DAB1: variants seen among roughly 807,000 people sequenced by gnomAD.
DAB1 encodes DAB adaptor protein 1.
A neutral mutation model predicts 64.6 loss-of-function variants in DAB1; 15 were observed. That is an observed-to-expected ratio of 0.23 (90% CI 0.16 to 0.36). The LOEUF is 0.36. Ranked by LOEUF, DAB1 falls within the 10% of genes least tolerant of loss-of-function variation. The pLI, the probability that DAB1 is intolerant of heterozygous loss-of-function variation, is 1.00. For missense variants in DAB1, 596 were observed against 706.7 expected, an observed-to-expected ratio of 0.84 and a Z score of 1.78; for synonymous variants, 235 against 251.9, an observed-to-expected ratio of 0.93 and a Z score of 0.64.
Position 58,363,883 on chromosome 1 carries a change from G to A in DAB1, n.258-20480C>T, listed in dbSNP as rs549050312. Among the ~76,000 whole-genome samples, 10 of 152,296 alleles carry A rather than the reference G, an allele frequency of 6.6e-5. No homozygotes were observed. The South Asian group carries it at 1.4e-3, about 22-fold the overall frequency. On this transcript the variant is annotated intron_variant and non_coding_transcript_variant, in intron 3 of 20. Transcript: ENST00000485760. ...GAGCCCTTATCTCCCTTCTAGCCCC[G>A]GAAAGACCCTGGGGCTTTCCATAGA...
intron 1 of DAB1, among the ~76,000 whole-genome samples, chr1:58,540,474 T>C (rs1398923478): frequency 1.3e-5 from 2 of 151,878 alleles, no homozygotes; most frequent in East Asian, 1.9e-4. Flanking sequence ...ATATTAGTTA[T>C]TGTAACTATA....
At chr1:57,395,157 C>T (rs1570441324) in intron 1 of DAB1, among the ~76,000 whole-genome samples, 1 of 152,014 alleles carries the variant, frequency 6.6e-6, no homozygotes, top group Non-Finnish European at 1.5e-5. Context: ...CTTGAGTAGC[C>T]GGGATTACAG....
intron 7 of DAB1, among the ~76,000 whole-genome samples, chr1:57,570,339 G>A (rs1239879049): frequency 6.6e-6 from 1 of 151,996 alleles, no homozygotes; most frequent in Non-Finnish European, 1.5e-5. Context: ...TTCTCACTGG[G>A]CAGACAACCT....
chr1:57,922,845 CAAAAAA>C (rs367897659), intron 5 of DAB1, among the ~76,000 whole-genome samples: 3 of 45,010 alleles, frequency 6.7e-5, no homozygotes, highest in African/African-American at 1.1e-4. Context: ...GACTCCATCT[CAAAAAA>C]AAAAAAAAAA....
chr1:58,245,198 C>T (rs1660474714), intron 4 of DAB1, among the ~76,000 whole-genome samples: 1 of 152,126 alleles, frequency 6.6e-6, no homozygotes, highest in Admixed American at 6.5e-5. Flanking sequence ...GTCAGCAAAC[C>T]CCCCGCCGCC....
chr1:58,055,926 C>T (rs1648039765), intron 5 of DAB1, among the ~76,000 whole-genome samples: 1 of 125,948 alleles, frequency 7.9e-6, no homozygotes, highest in Non-Finnish European at 1.8e-5. Flanking sequence ...TTTGTATAGA[C>T]AGGGTCTCCC....
intron 6 of DAB1, among the ~76,000 whole-genome samples, chr1:57,773,711 CT>C (rs1248703309): frequency 2.6e-5 from 4 of 151,794 alleles, no homozygotes; most frequent in Admixed American, 6.6e-5. Flanking sequence ...TAGTACTTTT[CT>C]TTTTCATATA....
At chr1:57,117,569 G>C (rs560232163) in intron 4 of DAB1, among the ~76,000 whole-genome samples, 1 of 152,252 alleles carries the variant, frequency 6.6e-6, no homozygotes, top group Non-Finnish European at 1.5e-5. Context: ...CAGTTTTCAA[G>C]GCATTTCTAA....
upstream of DAB1, among the ~76,000 whole-genome samples, chr1:57,426,874 A>ATATATTTTT (rs57970737): frequency 8.7e-4 from 130 of 149,272 alleles, 1 homozygote; most frequent in African/African-American, 2.2e-3. Flanking sequence ...ATATATATAT[A>ATATATTTTT]TTTTTTTGAG....
At chr1:58,280,484 G>A (rs574056818) in intron 4 of DAB1, among the ~76,000 whole-genome samples, 8 of 152,246 alleles carry the variant, frequency 5.3e-5, no homozygotes, top group East Asian at 1.9e-4. Flanking sequence ...AATGGGGATC[G>A]TAGCAATGCT....
upstream of DAB1, among the ~76,000 whole-genome samples, chr1:57,428,918 C>CTT (rs61125096): frequency 1.5e-4 from 20 of 135,502 alleles, no homozygotes; most frequent in South Asian, 2.5e-4. Flanking sequence ...TTGTTGTTTG[C>CTT]TTTTTTTTTT....
intron 5 of DAB1, among the ~76,000 whole-genome samples, chr1:57,919,403 G>A (rs1402747772): frequency 6.6e-6 from 1 of 152,194 alleles, no homozygotes; most frequent in Admixed American, 6.5e-5. Context: ...TACATGTACA[G>A]GATCATAGGA....
chr1:57,594,081 G>T (rs545138646), intron 7 of DAB1, among the ~76,000 whole-genome samples: 12 of 152,272 alleles, frequency 7.9e-5, no homozygotes, highest in Admixed American at 5.2e-4. Context: ...AAGATGAAAG[G>T]CAGGCAAAAC....
At chr1:57,337,087 T>C (rs12087888) in intron 1 of DAB1, among the ~76,000 whole-genome samples, 61,420 of 151,986 alleles carry the variant, frequency 0.4, 13,147 homozygotes, top group Non-Finnish European at 0.48. Flanking sequence ...TGAATATCAA[T>C]AGCACTTGAA....
At chr1:57,179,507 T>G (rs2100961208) in intron 2 of DAB1, among the ~76,000 whole-genome samples, 1 of 152,372 alleles carries the variant, frequency 6.6e-6, no homozygotes, top group East Asian at 1.9e-4. Flanking sequence ...TTATGTCAGA[T>G]GCACATTGTA....
intron 4 of DAB1, among the ~76,000 whole-genome samples, chr1:57,083,094 G>A (rs187226766): frequency 9.3e-4 from 142 of 152,226 alleles, no homozygotes; most frequent in African/African-American, 2.3e-3. Context: ...CCTGCTATAT[G>A]CTAGGCATTG....
chr1:58,480,867 C>CTTT (rs67922378), intron 3 of DAB1: 1 of 610,528 alleles, frequency 1.6e-6, no homozygotes, highest in Non-Finnish European at 2.7e-6. Context: ...CCTGAATATC[C>CTTT]TTTTTTTTTT....
At chr1:57,661,893 G>C (rs1222171158) in intron 6 of DAB1, among the ~76,000 whole-genome samples, 1 of 152,106 alleles carries the variant, frequency 6.6e-6, no homozygotes, top group Non-Finnish European at 1.5e-5. Context: ...CTGATGCAGT[G>C]GGCTTCTGAT....
At chr1:57,701,782 G>A (rs1242872454) in intron 6 of DAB1, among the ~76,000 whole-genome samples, 1 of 151,994 alleles carries the variant, frequency 6.6e-6, no homozygotes, top group Admixed American at 6.6e-5. Flanking sequence ...CCATTCTGCT[G>A]TGAAGAGCCT....
Sources: gnomAD v4.1 joint callset for allele counts (sites outside exome capture counted in the v4.1 genomes callset) on GRCh38, gnomAD v4.1.1 for gene constraint, MANE v1.5 for transcripts, NCBI Gene and HGNC (gene_info 2026-07-23, HGNC 2026-07-21) for gene names.